Variants in RUVBL1 observed in about 807,000 individuals in gnomAD.
RUVBL1 encodes ruvB-like 1.
A neutral mutation model predicts 52.4 loss-of-function variants in RUVBL1; 4 were observed. That is an observed-to-expected ratio of 0.08 (90% CI 0.04 to 0.17). The LOEUF (loss-of-function observed/expected upper bound fraction) is 0.17. Among genes scored for constraint, RUVBL1 ranks in the 10% least tolerant of loss-of-function variants. The probability of loss-of-function intolerance (pLI) is 1.00; values close to 1 mark genes in which losing one functional copy is unlikely to be tolerated. For missense variants in RUVBL1, 298 were observed against 572.8 expected, an observed-to-expected ratio of 0.52 and a Z score of 4.90; for synonymous variants, 217 against 214.4, an observed-to-expected ratio of 1.01 and a Z score of -0.10.
At chr3:128,088,673 G>C (rs1459565760) in intron 8 of RUVBL1, among the ~76,000 whole-genome samples, 2 of 151,688 alleles carry the variant, frequency 1.3e-5, no homozygotes, top group Admixed American at 1.3e-4. Context: ...CATGATTCTA[G>C]CTCACTGCAG....
In RUVBL1 at chr3:128,081,209, C is replaced by A; in HGVS notation, c.*41G>T. On this transcript the variant is annotated 3_prime_UTR_variant, in exon 11 of 11. Transcript: ENST00000322623. This position sits in a 1 kb window ranked among gnomAD's most constrained non-coding sequence, Gnocchi z 4.8. ...GCCCACAGGCTGGACCCAGGCCAGG[C>A]ACACCTGGGGAGTCTCTTACTGCTG... 6.3e-7 allele frequency: 1 copy of A among 1,589,164 alleles called. No individual in the cohort carries two copies. Among genetic ancestry groups the A allele is most frequent in the Non-Finnish European group, 8.6e-7 (1 of 1,162,858 alleles).
At chr3:128,073,626 G>T (rs1261749478) in intron 9 of RUVBL1, among the ~76,000 whole-genome samples, 1 of 152,174 alleles carries the variant, frequency 6.6e-6, no homozygotes, top group East Asian at 1.9e-4. Context: ...ATCCCTTCTA[G>T]GGCCACATTA....
At chr3:128,138,416 C>A (rs1943976508) in intron 1 of RUVBL1, among the ~76,000 whole-genome samples, 1 of 152,054 alleles carries the variant, frequency 6.6e-6, no homozygotes, top group African/African-American at 2.4e-5. Flanking sequence ...TATATGCCAA[C>A]TGTGAACAGT....
At chr3:128,065,048 A>G (rs746539212) in exon 10 of RUVBL1, 1 of 1,614,084 alleles carries the variant, frequency 6.2e-7, no homozygotes, top group South Asian at 1.1e-5. Context: ...GTGTGTCCAG[A>G]TCCAACCCCA....
At chr3:128,069,964 C>T (rs1188037381) in intron 9 of RUVBL1, 1 of 267,014 alleles carries the variant, frequency 3.7e-6, no homozygotes, top group Non-Finnish European at 7.1e-6. Flanking sequence ...TGCACCTTCT[C>T]AGTGCTGTAT....
chr3:128,105,865 C>CTTTTTTT (rs11311563), intron 3 of RUVBL1, among the ~76,000 whole-genome samples: 136 of 88,894 alleles, frequency 1.5e-3, no homozygotes, highest in African/African-American at 1.9e-3. Flanking sequence ...TTCCCTTTTT[C>CTTTTTTT]TTTTTTTTTT....
At chr3:128,133,889 C>T (rs1943914254) in intron 1 of RUVBL1, among the ~76,000 whole-genome samples, 1 of 152,128 alleles carries the variant, frequency 6.6e-6, no homozygotes, top group Non-Finnish European at 1.5e-5. Context: ...AACATGACCT[C>T]ACCAAACAAA....
intron 3 of RUVBL1, among the ~76,000 whole-genome samples, chr3:128,111,011 G>C (rs541865535): frequency 3.3e-5 from 5 of 151,900 alleles, no homozygotes; most frequent in Admixed American, 2.0e-4. Context: ...TGAATCATGA[G>C]GTCAGGAAAT....
intron 1 of RUVBL1, 85 bp from the exon 2 acceptor site, chr3:128,119,499 TCA>T (rs1559827534): frequency 2.8e-6 from 3 of 1,065,344 alleles, no homozygotes; most frequent in East Asian, 2.6e-5. Flanking sequence ...CCTACACAAG[TCA>T]CACACTCATC....
At chr3:128,076,435 G>A (rs551392623), downstream of RUVBL1, among the ~76,000 whole-genome samples, 4 of 152,344 alleles carry the variant, frequency 2.6e-5, no homozygotes, top group South Asian at 4.1e-4. This position sits in a 1 kb window ranked among gnomAD's most constrained non-coding sequence, Gnocchi z 6.8. Flanking sequence ...CCTGCCGGGA[G>A]GGTGGGGAAC....
At chr3:128,091,998 C>T (rs1160641001) in intron 8 of RUVBL1, among the ~76,000 whole-genome samples, 1 of 152,180 alleles carries the variant, frequency 6.6e-6, no homozygotes, top group African/African-American at 2.4e-5. Context: ...ATGGGTAACT[C>T]ACCTAATATC....
intron 1 of RUVBL1, among the ~76,000 whole-genome samples, chr3:128,146,690 C>T (rs1187706345): frequency 7.5e-6 from 1 of 132,694 alleles, no homozygotes; most frequent in Non-Finnish European, 1.6e-5. Context: ...CATCTGTGTG[C>T]ATGCACATGT....
rs541485893 is a variant in RUVBL1 at position 128,094,492 on chromosome 3, C to T, written c.1016+2808G>A. Among the ~76,000 whole-genome samples the T allele has an allele frequency of 8.5e-5, 13 of 152,362 alleles. 1 individual carries two copies. The South Asian group carries it at 2.5e-3, about 29-fold the overall frequency. On this transcript the variant is annotated intron_variant, in intron 8 of 10. Transcript: ENST00000322623. ...GTCAAAGCTCCATCCCCGCTCACAG[C>T]CCAGGGTCCACTGGGAAGCGGTGTG...
At chr3:128,105,055 G>T in intron 3 of RUVBL1, 131 bp from the exon 4 acceptor site, 1 of 867,188 alleles carries the variant, frequency 1.2e-6, no homozygotes, top group Non-Finnish European at 1.7e-6. Flanking sequence ...GTCATGATGG[G>T]TAAAAAGGCA....
Position 128,067,525 on chromosome 3 carries a change from T to C in RUVBL1, c.940-2305A>G. 2 of 1,614,160 alleles carry C rather than the reference T, an allele frequency of 1.2e-6. No individual in the cohort carries two copies. The highest frequency in any genetic ancestry group is 1.7e-6 in the Non-Finnish European group (2 of 1,180,012). On this transcript the variant is annotated intron_variant, in intron 9 of 9. Coordinates refer to the RUVBL1 transcript ENST00000464873. The surrounding 1 kb of genome is among the most constrained non-coding windows in gnomAD (Gnocchi z 4.1). ...GCTCCGTGTTAGAAGACCCGGTCCA[T>C]GCAGTTGTATACATAGTGTTCATGC...
intron 1 of RUVBL1, among the ~76,000 whole-genome samples, chr3:128,150,190 C>A (rs1944164946): frequency 6.6e-6 from 1 of 152,188 alleles, no homozygotes; most frequent in Admixed American, 6.5e-5. Flanking sequence ...AGCACTTCAT[C>A]ATTATTTGCC....
chr3:128,124,692 C>G (rs1032569480), upstream of RUVBL1, among the ~76,000 whole-genome samples: 1 of 152,196 alleles, frequency 6.6e-6, no homozygotes, highest in Non-Finnish European at 1.5e-5. Flanking sequence ...GCGTTTACTT[C>G]TTGCTTAGAA....
intron 1 of RUVBL1, among the ~76,000 whole-genome samples, chr3:128,135,588 A>G (rs1943936164): frequency 6.6e-6 from 1 of 152,254 alleles, no homozygotes; most frequent in Admixed American, 6.5e-5. Context: ...ATACTAGGAT[A>G]GCATACCCAG....
At chr3:128,090,849 T>C (rs1175657280) in intron 8 of RUVBL1, among the ~76,000 whole-genome samples, 1 of 152,168 alleles carries the variant, frequency 6.6e-6, no homozygotes, top group Non-Finnish European at 1.5e-5. Context: ...TTTTGCCACA[T>C]TAAAATATCC....
Sources: allele counts gnomAD v4.1 joint callset (sites outside exome capture counted in the v4.1 genomes callset), GRCh38; gene constraint gnomAD v4.1.1; non-coding constraint Gnocchi (gnomAD v3.1); transcripts MANE v1.5; gene names NCBI Gene and HGNC (gene_info 2026-07-23, HGNC 2026-07-21).